TET3: variants seen among roughly 807,000 people sequenced by gnomAD.
TET3 encodes tet methylcytosine dioxygenase 3.
In TET3, 19 loss-of-function variants were observed where a neutral mutation model predicts 141.4. That is an observed-to-expected ratio of 0.13 (90% CI 0.09 to 0.20). The LOEUF is 0.20. TET3 is among the 10% of genes least tolerant of loss of function. The pLI is 1.00. For missense variants in TET3, 1,874 were observed against 2,356.9 expected (o/e 0.80, Z 4.24); for synonymous variants, 1,043 against 980.9 (o/e 1.06, Z -1.18).
intron 5 of TET3, among the ~76,000 whole-genome samples, chr2:74,077,017 C>G (rs140974737): frequency 6.6e-6 from 1 of 152,338 alleles, no homozygotes; most frequent in East Asian, 1.9e-4. Context: ...AGTTGTCAAA[C>G]TCGTATCTGA....
At chr2:74,020,887 G>C (rs547081872) in intron 3 of TET3, among the ~76,000 whole-genome samples, 107 of 152,316 alleles carry the variant, frequency 7.0e-4, no homozygotes, top group African/African-American at 2.5e-3. Flanking sequence ...GGTTTTGCTT[G>C]ACCGCAGCAG....
At chr2:74,022,094 C>CCTTTTTTTTTTT (rs57671706) in intron 3 of TET3, among the ~76,000 whole-genome samples, 7 of 82,768 alleles carry the variant, frequency 8.5e-5, no homozygotes, top group Admixed American at 1.4e-4. Context: ...TTCTAGGACA[C>CCTTTTTTTTTTT]TTTTTTTTTT....
chr2:74,061,352 G>A (rs1473500943), intron 4 of TET3, among the ~76,000 whole-genome samples: 24 of 135,302 alleles, frequency 1.8e-4, no homozygotes, highest in Non-Finnish European at 2.3e-4. Context: ...CGGACGGGGC[G>A]GCTGGCCGGG....
intron 3 of TET3, among the ~76,000 whole-genome samples, chr2:74,032,207 C>A (rs942022935): frequency 6.6e-6 from 1 of 152,120 alleles, no homozygotes; most frequent in African/African-American, 2.4e-5. Context: ...GTACATGGAG[C>A]CTTTAGTGAA....
intron 3 of TET3, among the ~76,000 whole-genome samples, chr2:74,030,512 A>G (rs1686621125): frequency 6.6e-6 from 1 of 152,176 alleles, no homozygotes; most frequent in Non-Finnish European, 1.5e-5. Flanking sequence ...TATAAGCTCA[A>G]GTTTCTAGGA....
the TET3 span, among the ~76,000 whole-genome samples, chr2:74,129,792 T>A: frequency 5.3e-5 from 8 of 151,986 alleles, no homozygotes; most frequent in African/African-American, 1.2e-4. Flanking sequence ...AATTCCCTGG[T>A]GGCTGCTTTA....
Position 74,047,113 on chromosome 2 carries a change from C to G in TET3, c.1196C>G (p.Ser399Cys). The G allele has an allele frequency of 1.9e-6, 3 of 1,613,992 alleles. No individual in the cohort carries two copies. In the South Asian group the frequency reaches 3.3e-5, roughly 18 times the overall value. ...CCTGCCCCTTTCAGATCTCCCCAGT[C>G]TTACCTCCGGGCTCCCTCATGGCCT... ...SPPAPFRSPQ[S>C]YLRAPSWPVV... Residue 399 changes from serine (S) to cysteine (C), a missense_variant, in exon 4 of 12, where the codon TCT becomes TGT. By Grantham distance (112) the Ser-to-Cys change is moderately radical (BLOSUM62 -1). This residue lies in a region of TET3 where 484 missense variants were observed against 462.2 expected (regional missense o/e 1.05). Transcript: ENST00000409262.
chr2:74,036,433 A>G (rs1687060494), intron 3 of TET3, among the ~76,000 whole-genome samples: 1 of 152,194 alleles, frequency 6.6e-6, no homozygotes, highest in African/African-American at 2.4e-5. Context: ...TTGTTGGGGC[A>G]CTCAGGTTGT....
rs768551836 is a variant in TET3 at position 74,034,810 on chromosome 2, G to A, written c.361-11468G>A. ...GGAGTCGGATTGCTGGGCTGTAGGA[G>A]ATGTGCATGTTTGACATTAAAAGGT... is the stretch of plus-strand genomic sequence containing the variant. On this transcript the variant is annotated intron_variant, in intron 3 of 11. Coordinates refer to ENST00000409262, the MANE Select transcript of TET3 (RefSeq NM_001287491.2). Among the ~76,000 whole-genome samples the A allele has an allele frequency of 6.0e-4, 92 of 152,244 alleles. 1 individual carries two copies. The highest frequency in any genetic ancestry group is 5.4e-3 in the South Asian group (26 of 4,826).
chr2:74,085,464 A>G (rs945407233), intron 6 of TET3, among the ~76,000 whole-genome samples: 10 of 152,294 alleles, frequency 6.6e-5, no homozygotes, highest in African/African-American at 2.4e-4. Context: ...TCTGCAACCC[A>G]GCATCTCCTG....
the TET3 span, chr2:74,122,505 A>ATT: frequency 1.1e-4 from 7 of 66,482 alleles, no homozygotes; most frequent in African/African-American, 3.9e-4. Flanking sequence ...ATATATATAT[A>ATT]TATATATTTT....
Position 74,088,126 on chromosome 2 carries a change from C to T in TET3, c.2888+88C>T, listed in dbSNP as rs1690262034. The T allele has an allele frequency of 2.2e-6, 3 of 1,335,636 alleles. No homozygotes were observed. The African/African-American group carries it at 4.4e-5, about 20-fold the overall frequency. The allele number at this position is 1,335,636 out of a possible 1,614,324, so 82.7% of individuals were successfully genotyped here. ...AGACTGCAGGCAACCCTGGGGAAGG[C>T]TCCTAGGGGCCCTCTCTGCGGCACT... On this transcript the variant is annotated intron_variant, in intron 7 of 11. Coordinates refer to ENST00000409262, the MANE Select transcript of TET3 (RefSeq NM_001287491.2).
At chr2:74,132,883 T>C in the TET3 span, among the ~76,000 whole-genome samples, 2 of 151,934 alleles carry the variant, frequency 1.3e-5, no homozygotes, top group South Asian at 2.1e-4. Flanking sequence ...TGGCTCTTTT[T>C]CTTTTCTTTT....
At chr2:74,017,401 C>T (rs951466971) in intron 3 of TET3, among the ~76,000 whole-genome samples, 3 of 152,148 alleles carry the variant, frequency 2.0e-5, no homozygotes, top group African/African-American at 7.2e-5. Flanking sequence ...GCACCCCTGC[C>T]CTCCCCAGCC....
rs531299536 is a variant in TET3, at chr2:74,074,897, G to A, written c.2585+1258G>A. The stretch of plus-strand genomic sequence containing the variant: ...TGTTTTGTTTGTTTTTTTTTGAGAC[G>A]GAGTCGTGCTGTCACCCAGGCTGGA... On this transcript the variant is annotated intron_variant, in intron 5 of 11. Coordinates refer to ENST00000409262, the MANE Select transcript of TET3 (RefSeq NM_001287491.2). Among the ~76,000 whole-genome samples the A allele has an allele frequency of 2.1e-4, 31 of 151,064 alleles. 1 individual carries two copies. The highest frequency in any genetic ancestry group is 5.3e-4 in the Admixed American group (8 of 15,198).
chr2:74,070,849 C>T (rs1035527719), intron 4 of TET3, among the ~76,000 whole-genome samples: 44 of 152,218 alleles, frequency 2.9e-4, no homozygotes, highest in African/African-American at 1.1e-3. Flanking sequence ...GTGGTGCACA[C>T]CTGTAGTCCC....
intron 4 of TET3, among the ~76,000 whole-genome samples, chr2:74,053,644 T>C (rs994904683): frequency 1.3e-5 from 2 of 152,166 alleles, no homozygotes; most frequent in Admixed American, 6.5e-5. Context: ...AGGGAAAATA[T>C]CTCCTTTGCC....
chr2:74,134,260 G>A, the TET3 span, among the ~76,000 whole-genome samples: 1,199 of 152,230 alleles, frequency 7.9e-3, 23 homozygotes, highest in African/African-American at 0.027. Flanking sequence ...GGTGGCTCGG[G>A]CCTTCAGGCA....
At chr2:73,990,799 C>T (rs768077971) in intron 2 of TET3, among the ~76,000 whole-genome samples, 1 of 152,184 alleles carries the variant, frequency 6.6e-6, no homozygotes, top group Non-Finnish European at 1.5e-5. Flanking sequence ...AATCCTTGCC[C>T]ATCCTGCTGG....
Sources: allele counts gnomAD v4.1 joint callset (sites outside exome capture counted in the v4.1 genomes callset), GRCh38; gene constraint gnomAD v4.1.1; regional missense constraint gnomAD v4.1.1; transcripts MANE v1.5; gene names NCBI Gene and HGNC (gene_info 2026-07-23, HGNC 2026-07-21).